MAP3K13: variants seen among roughly 807,000 people sequenced by gnomAD.
MAP3K13 encodes the protein leucine zipper-bearing kinase.
In MAP3K13, 52 loss-of-function variants were observed where a neutral mutation model predicts 104.0. That is an observed-to-expected ratio of 0.50 (90% confidence interval 0.40 to 0.63). MAP3K13 has a LOEUF of 0.63. Ranked by LOEUF, MAP3K13 falls within the 20% of genes least tolerant of loss-of-function variation. The pLI, the probability that MAP3K13 is intolerant of heterozygous loss-of-function variation, is 0.00. For missense variants in MAP3K13, 914 were observed against 1,218.5 expected (o/e 0.75, Z 3.72); for synonymous variants, 394 against 442.2 (o/e 0.89, Z 1.37).
intron 1 of MAP3K13, among the ~76,000 whole-genome samples, chr3:185,424,969 C>T (rs1259882147): frequency 1.3e-5 from 2 of 152,224 alleles, no homozygotes; most frequent in Non-Finnish European, 2.9e-5. Flanking sequence ...GCTGACACTA[C>T]AGGCGTATGC....
At chr3:185,426,113 C>T (rs759483315) in intron 1 of MAP3K13, among the ~76,000 whole-genome samples, 24 of 151,710 alleles carry the variant, frequency 1.6e-4, no homozygotes, top group African/African-American at 4.6e-4. Flanking sequence ...TGGAGTCTCA[C>T]GCTGTCGCCC....
intron 1 of MAP3K13, among the ~76,000 whole-genome samples, chr3:185,385,466 C>T (rs148055975): frequency 1.3e-5 from 2 of 152,132 alleles, no homozygotes; most frequent in African/African-American, 4.8e-5. Flanking sequence ...AACCACCATG[C>T]CTGGCTGAAT....
intron 10 of MAP3K13, 151 bp downstream of exon 10, chr3:185,467,114 G>T (rs1287373625): frequency 1.3e-6 from 1 of 795,914 alleles, no homozygotes; most frequent in Non-Finnish European, 2.0e-6. Context: ...GAGTAAGAAG[G>T]TGAGGGAGTA....
chr3:185,416,815 G>T (rs1186574874), intron 1 of MAP3K13, among the ~76,000 whole-genome samples: 2 of 150,696 alleles, frequency 1.3e-5, no homozygotes. Flanking sequence ...TAGTAACAGG[G>T]TCTCACTGTG....
intron 7 of MAP3K13, among the ~76,000 whole-genome samples, chr3:185,458,513 G>T (rs1716902982): frequency 1.3e-5 from 2 of 152,142 alleles, no homozygotes; most frequent in Admixed American, 1.3e-4. Context: ...TGGGTTGTTA[G>T]ATTCTGGATT....
At chr3:185,291,962 A>G in intron 2 of MAP3K13, 1 of 1,090,682 alleles carries the variant, frequency 9.2e-7, no homozygotes, top group South Asian at 4.3e-5. Context: ...ATAGAGAAGC[A>G]TAAATTTGGT....
intron 1 of MAP3K13, among the ~76,000 whole-genome samples, chr3:185,383,596 C>T (rs886521146): frequency 2.2e-4 from 33 of 151,672 alleles, no homozygotes; most frequent in Non-Finnish European, 3.5e-4. Context: ...TACCTTCCAC[C>T]TCACTCTTGC....
Position 185,329,063 on chromosome 3 carries a change from C to G in MAP3K13, c.-86+43420C>G, listed in dbSNP as rs555806104. The G allele has an allele frequency of 9.9e-6, 5 of 505,476 alleles. No homozygotes were observed. The South Asian group carries it at 1.5e-4, about 15-fold the overall frequency. The allele number at this position is 505,476 out of a possible 1,614,324, so 31.3% of individuals were successfully genotyped here. A position where few individuals can be genotyped will look rare whatever the true frequency, so the allele number is the denominator to read the frequency against. On this transcript the variant is annotated intron_variant, in intron 2 of 14. Transcript: ENST00000424227. ...GATTAAATCAAGTTTCTACCTGGCTCTAAATCTTAGGGATTAGAACTACTG... is the reference window on the plus strand; with the variant it reads ...GATTAAATCAAGTTTCTACCTGGCTGTAAATCTTAGGGATTAGAACTACTG...
chr3:185,354,340 G>C (rs977118191), intron 2 of MAP3K13, among the ~76,000 whole-genome samples: 1 of 150,620 alleles, frequency 6.6e-6, no homozygotes, highest in Non-Finnish European at 1.5e-5. Context: ...TCAAACCGGG[G>C]CAACGGCAAT....
In MAP3K13 at chr3:185,349,126, C is replaced by CT. The variant is rs200267934; in HGVS notation, c.-86+63495dup. ...TCAAAGGCTTCCATTTCTACTTATT[C>CT]TTTTTTTTTTTTAATTTTAGATTCA... On this transcript the variant is annotated intron_variant, in intron 2 of 14. Transcript: ENST00000424227. Among the ~76,000 whole-genome samples the CT allele has an allele frequency of 6.8e-3, 978 of 143,454 alleles. 5 individuals carry two copies. Among genetic ancestry groups the CT allele is most frequent in the African/African-American group, 0.021 (810 of 39,268 alleles). The allele number at this position is 143,454 out of a possible 152,430, so 94.1% of individuals were successfully genotyped here.
intron 1 of MAP3K13, among the ~76,000 whole-genome samples, chr3:185,376,072 A>G (rs1724413590): frequency 6.6e-6 from 1 of 152,174 alleles, no homozygotes; most frequent in Admixed American, 6.5e-5. Context: ...ACTGCCATCA[A>G]TAAACCAAGT....
intron 1 of MAP3K13, among the ~76,000 whole-genome samples, chr3:185,395,019 C>G (rs559352531): frequency 6.6e-6 from 1 of 152,166 alleles, no homozygotes; most frequent in Admixed American, 6.5e-5. Flanking sequence ...TTTTTGCATG[C>G]CAACTTTATA....
At position 185,331,998 on chromosome 3, in the gene MAP3K13, G is replaced by A. The variant is rs79337396; in HGVS notation, c.-86+46355G>A. On this transcript the variant is annotated intron_variant, in intron 2 of 14. Coordinates refer to the MAP3K13 transcript ENST00000424227. ...ATAGCTGCCTACTAATCCATTGTAC[G>A]GATGTACTGTAATTTATATAACCAG... Among the ~76,000 whole-genome samples, 1,377 of 152,186 alleles carry A rather than the reference G, an allele frequency of 9.0e-3. 31 individuals are homozygous for A. Among genetic ancestry groups the A allele is most frequent in the African/African-American group, 0.031 (1,302 of 41,492 alleles).
intron 2 of MAP3K13, among the ~76,000 whole-genome samples, chr3:185,313,940 T>G (rs914879511): frequency 6.6e-6 from 1 of 152,194 alleles, no homozygotes; most frequent in Non-Finnish European, 1.5e-5. Flanking sequence ...GCCTCTGTTT[T>G]GGGCTTGGAT....
intron 5 of MAP3K13, among the ~76,000 whole-genome samples, chr3:185,448,543 A>C (rs1193216882): frequency 1.3e-5 from 2 of 152,234 alleles, no homozygotes; most frequent in Non-Finnish European, 2.9e-5. Flanking sequence ...ATTGGCAACT[A>C]GTAACTTCTA....
chr3:185,364,618 T>G (rs373311510), intron 1 of MAP3K13, among the ~76,000 whole-genome samples: 1 of 152,230 alleles, frequency 6.6e-6, no homozygotes, highest in African/African-American at 2.4e-5. Context: ...CTTCCAACTG[T>G]AAACTCATCT....
At chr3:185,396,144 G>A (rs1712402524) in intron 1 of MAP3K13, among the ~76,000 whole-genome samples, 1 of 152,098 alleles carries the variant, frequency 6.6e-6, no homozygotes, top group African/African-American at 2.4e-5. Context: ...GCTGAGGCGG[G>A]TAGATCACTT....
At chr3:185,289,291 A>G (rs1286583565) in intron 2 of MAP3K13, among the ~76,000 whole-genome samples, 1 of 152,172 alleles carries the variant, frequency 6.6e-6, no homozygotes, top group Non-Finnish European at 1.5e-5. Flanking sequence ...TTTTCATTGT[A>G]TGGGAGAGTG....
chr3:185,480,356 A>G lies in MAP3K13; in HGVS notation c.2626A>G (p.Lys876Glu). The G allele has an allele frequency of 6.2e-7, 1 of 1,614,202 alleles. No homozygotes were observed. The highest frequency in any genetic ancestry group is 8.5e-7 in the Non-Finnish European group (1 of 1,180,040). The change falls in exon 13 of 14, where the codon AAA (lysine) becomes GAA (glutamate). Residue 876 changes from lysine to glutamate, a missense_variant. Lys to Glu is a moderately conservative substitution (Grantham distance 56). Transcript: ENST00000265026. ...AAACAGTCCTGATGAGTTAGCTGATAAACTTGAAGACCGCTTGGCAGAGAA... is the reference window on the plus strand; with the variant it reads ...AAACAGTCCTGATGAGTTAGCTGATGAACTTGAAGACCGCTTGGCAGAGAA... Reference protein sequence around the residue: ...HSNSPDELADKLEDRLAEKLD... With the variant: ...HSNSPDELADELEDRLAEKLD...
Sources: allele counts gnomAD v4.1 joint callset (sites outside exome capture counted in the v4.1 genomes callset), GRCh38; gene constraint gnomAD v4.1.1; transcripts MANE v1.5; gene names NCBI Gene and HGNC (gene_info 2026-07-23, HGNC 2026-07-21).